CRTAC1: variants seen among roughly 807,000 people sequenced by gnomAD.
CRTAC1 encodes the protein acidic secreted protein in cartilage.
CRTAC1 carries 37 observed loss-of-function variants against 67.8 expected under a neutral mutation model. The ratio of observed to expected loss-of-function variants is 0.55; its 90% CI spans 0.42 to 0.72. CRTAC1 has a LOEUF of 0.72. CRTAC1 is among the 30% of genes least tolerant of loss of function. The pLI, the probability that CRTAC1 is intolerant of heterozygous loss-of-function variation, is 0.00. For missense variants in CRTAC1, 780 were observed against 931.6 expected, an observed-to-expected ratio of 0.84 and a Z score of 2.12; for synonymous variants, 348 against 371.0, an observed-to-expected ratio of 0.94 and a Z score of 0.71.
chr10:97,993,089 C>CAA, intron 2 of CRTAC1, among the ~76,000 whole-genome samples: 2 of 152,120 alleles, frequency 1.3e-5, no homozygotes. Context: ...GACATCAGTA[C>CAA]AACTGGTTAG....
At chr10:97,999,031 CAG>C (rs1842638021) in intron 2 of CRTAC1, among the ~76,000 whole-genome samples, 1 of 152,222 alleles carries the variant, frequency 6.6e-6, no homozygotes. Context: ...CTGATGATGG[CAG>C]AGACAGGCCA....
rs1042798014 is a variant in CRTAC1, at chr10:98,020,869, G to A, written c.25-9532C>T. Reference sequence around the variant, plus strand: ...GCCCAGTGGGCCAGGGAATGCCATGGCTGGAGTGGTGTGTTAGAAGGAATA... The same window carrying A: ...GCCCAGTGGGCCAGGGAATGCCATGACTGGAGTGGTGTGTTAGAAGGAATA... On this transcript the variant is annotated intron_variant, in intron 1 of 14. Coordinates refer to ENST00000370597, the MANE Select transcript of CRTAC1 (RefSeq NM_018058.7). Among the ~76,000 whole-genome samples the A allele has an allele frequency of 1.5e-4, 23 of 152,366 alleles. 1 individual carries two copies. The highest frequency in any genetic ancestry group is 3.4e-3 in the Middle Eastern group (1 of 294).
intron 3 of CRTAC1, among the ~76,000 whole-genome samples, chr10:97,927,855 C>T (rs911076773): frequency 3.9e-5 from 6 of 152,112 alleles, no homozygotes; most frequent in Middle Eastern, 3.2e-3. Context: ...CTGTGCGGGT[C>T]GATGGCACAG....
At chr10:97,894,925 TGCAGCCCA>T (rs1225861923) in intron 11 of CRTAC1, among the ~76,000 whole-genome samples, 1 of 150,798 alleles carries the variant, frequency 6.6e-6, no homozygotes, top group East Asian at 2.0e-4. Context: ...ACACGTTTGG[TGCAGCCCA>T]GCATTTGAAC....
chr10:97,954,452 G>A (rs1032314399), intron 2 of CRTAC1, among the ~76,000 whole-genome samples: 17 of 152,276 alleles, frequency 1.1e-4, no homozygotes, highest in South Asian at 6.2e-4. Context: ...GGAGGAAAGC[G>A]GAAGCCTGAG....
intron 11 of CRTAC1, among the ~76,000 whole-genome samples, chr10:97,894,743 T>TG (rs2050429330): frequency 5.2e-5 from 4 of 77,160 alleles, no homozygotes; most frequent in South Asian, 4.4e-4. Context: ...TATATATATA[T>TG]ATATATATAT....
chr10:97,937,921 C>T (rs141457074), intron 2 of CRTAC1, among the ~76,000 whole-genome samples: 26 of 152,346 alleles, frequency 1.7e-4, no homozygotes, highest in African/African-American at 6.3e-4. Flanking sequence ...CAGCTGGTAA[C>T]ACCCAGGGAG....
chr10:98,005,906 T>C (rs1451599773), intron 2 of CRTAC1, among the ~76,000 whole-genome samples: 1 of 152,174 alleles, frequency 6.6e-6, no homozygotes, highest in Admixed American at 6.5e-5. Context: ...GTTGCAAAAT[T>C]AAGAAAAACC....
At chr10:97,916,615 C>A (rs1393234092) in intron 5 of CRTAC1, among the ~76,000 whole-genome samples, 2 of 152,180 alleles carry the variant, frequency 1.3e-5, no homozygotes, top group African/African-American at 2.4e-5. Context: ...AGGATTCAGA[C>A]TGAGGGAGGC....
chr10:97,971,764 G>T (rs978782327), intron 2 of CRTAC1, among the ~76,000 whole-genome samples: 1 of 152,210 alleles, frequency 6.6e-6, no homozygotes, highest in Non-Finnish European at 1.5e-5. Flanking sequence ...ACCTTGGAGA[G>T]GTGGGAAGTG....
At chr10:97,905,707 A>G (rs1356009407) in intron 6 of CRTAC1, among the ~76,000 whole-genome samples, 1 of 152,238 alleles carries the variant, frequency 6.6e-6, no homozygotes, top group Non-Finnish European at 1.5e-5. Context: ...GAATGAGTGC[A>G]CAGACATAAA....
chr10:97,901,596 G>A lies in CRTAC1; in HGVS notation c.1040C>T (p.Thr347Met), dbSNP rs989157878. 8 of 1,614,206 alleles carry A rather than the reference G, an allele frequency of 5.0e-6. No individual in the cohort carries two copies. Among genetic ancestry groups the A allele is most frequent in the Admixed American group, 1.7e-5 (1 of 60,024 alleles). Residue 347 changes from threonine to methionine, a missense_variant, in exon 8 of 15, where the codon ACG becomes ATG. By Grantham distance (81) the Thr-to-Met change is moderately conservative. Transcript: ENST00000370597. The stretch of plus-strand genomic sequence containing the variant: ...ATTGTCAAAGTCGGCGGTGATGACC[G>A]TGCGGACAGGGGAGGGCATGGAGAA... ...PKFSMPSPVR[T>M]VITADFDNDQ...
At chr10:97,960,772 G>A (rs995259588) in intron 2 of CRTAC1, among the ~76,000 whole-genome samples, 20 of 152,342 alleles carry the variant, frequency 1.3e-4, no homozygotes, top group African/African-American at 4.6e-4. Flanking sequence ...TAGAAAGACT[G>A]TTAACTGCTT....
intron 2 of CRTAC1, among the ~76,000 whole-genome samples, chr10:98,008,174 A>G (rs1191622435): frequency 6.6e-6 from 1 of 152,222 alleles, no homozygotes; most frequent in Non-Finnish European, 1.5e-5. Context: ...CCCTGGGGCC[A>G]AGACCTTCTC....
chr10:98,017,612 C>T (rs1564937370), intron 1 of CRTAC1, among the ~76,000 whole-genome samples: 1 of 152,004 alleles, frequency 6.6e-6, no homozygotes, highest in Non-Finnish European at 1.5e-5. Context: ...TAGCTCACTG[C>T]ACTCTCAAAC....
intron 2 of CRTAC1, among the ~76,000 whole-genome samples, chr10:97,957,965 T>G (rs2051467607): frequency 6.6e-6 from 1 of 152,178 alleles, no homozygotes; most frequent in Admixed American, 6.5e-5. Flanking sequence ...CCCCCAGGGC[T>G]GCACAGGGGA....
At chr10:97,892,683 T>C (rs1454699851) in intron 11 of CRTAC1, among the ~76,000 whole-genome samples, 1 of 152,248 alleles carries the variant, frequency 6.6e-6, no homozygotes, top group Non-Finnish European at 1.5e-5. Context: ...GCCCAGTGCC[T>C]GGCACATACT....
chr10:97,915,851 C>T (rs370089893), intron 5 of CRTAC1, among the ~76,000 whole-genome samples: 12 of 152,128 alleles, frequency 7.9e-5, no homozygotes, highest in African/African-American at 2.2e-4. Context: ...CCTCTGGGCA[C>T]GCCAGCTGCC....
chr10:97,908,529 G>A lies in CRTAC1; in HGVS notation c.716-382C>T, dbSNP rs146375162. On this transcript the variant is annotated intron_variant, in intron 5 of 14. Transcript: ENST00000370597. ...GTCACAGATACCCCAACAGACTCCC[G>A]ACTCTCACTTTGAGTGATACATATG... 1.6e-4 allele frequency among the ~76,000 whole-genome samples: 24 copies of A among 152,282 alleles called. No individual in the cohort carries two copies. In the East Asian group the frequency reaches 2.7e-3, roughly 17 times the overall value.
Sources: allele counts gnomAD v4.1 joint callset (sites outside exome capture counted in the v4.1 genomes callset), GRCh38; gene constraint gnomAD v4.1.1; transcripts MANE v1.5; gene names NCBI Gene and HGNC (gene_info 2026-07-23, HGNC 2026-07-21).